Variants in PLET1 observed in about 807,000 individuals in gnomAD.
PLET1 encodes the protein placenta expressed transcript 1.
PLET1 carries 20 observed loss-of-function variants against 18.5 expected under a neutral mutation model. The observed-to-expected ratio is 1.08, with a 90% confidence interval of 0.76 to 1.57. The LOEUF is 1.57. Ranked by LOEUF, PLET1 falls within the 40% of genes most tolerant of loss-of-function variation. PLET1 has a pLI of 0.00. For synonymous variants in PLET1, 93 were observed against 93.8 expected (o/e 0.99, Z 0.05); for missense variants, 256 against 246.4 (o/e 1.04, Z -0.26).
At chr11:112,249,087 G>C in intron 3 of PLET1, 113 bp from the exon 4 acceptor site, 1 of 961,088 alleles carries the variant, frequency 1.0e-6, no homozygotes, top group Non-Finnish European at 1.5e-6. Context: ...GCTAGAGCCA[G>C]ATTCATGAGC....
chr11:112,257,800 A>G (rs1860238726), intron 1 of PLET1, among the ~76,000 whole-genome samples: 1 of 152,126 alleles, frequency 6.6e-6, no homozygotes, highest in African/African-American at 2.4e-5. Flanking sequence ...CATCACCCCA[A>G]AGTTTAAAAG....
chr11:112,260,207 T>C (rs1487262151), intron 1 of PLET1, 199 bp downstream of exon 1: 15 of 560,796 alleles, frequency 2.7e-5, no homozygotes. Flanking sequence ...GTGGCTTGAG[T>C]TCACAAGGAA....
chr11:112,255,710 C>T, intron 1 of PLET1, 121 bp from the exon 2 acceptor site: 1 of 797,988 alleles, frequency 1.3e-6, no homozygotes, highest in South Asian at 1.5e-5. Context: ...ATATGCACAT[C>T]GAGTATATGG....
At chr11:112,252,326 A>G (rs1339581846) in intron 3 of PLET1, 22 bp downstream of exon 3, 4 of 1,543,110 alleles carry the variant, frequency 2.6e-6, no homozygotes, top group Non-Finnish European at 3.5e-6. Context: ...AAGACTTGCA[A>G]ATGGGCTGCA....
chr11:112,254,694 G>C (rs1408874641), intron 2 of PLET1, among the ~76,000 whole-genome samples: 1 of 137,498 alleles, frequency 7.3e-6, no homozygotes, highest in Non-Finnish European at 1.6e-5. Flanking sequence ...TGTGTGTGGT[G>C]TGTGTGGTAT....
In PLET1 at chr11:112,255,486, G is replaced by A; in HGVS notation, c.288C>T (p.Tyr96=). 1 of 1,552,114 alleles carries A rather than the reference G, an allele frequency of 6.4e-7. No homozygotes were observed. The highest frequency in any genetic ancestry group is 8.7e-7 in the Non-Finnish European group (1 of 1,147,006). ...CTTTCACGTAATACGTGGAGTTGCT[G>A]TAGCAATTTTTATCCGCTCTTTGCC... is the stretch of plus-strand genomic sequence containing the variant. The part of the protein sequence containing the change: ...GLWQRADKNC[Y]SNSTYYVKDQ... Residue 96 remains tyrosine (Y), a synonymous_variant, in exon 2 of 4, where the codon TAC becomes TAT. Transcript: ENST00000338832.
chr11:112,255,705 C>T lies in PLET1; in HGVS notation c.185-116G>A, dbSNP rs939905619. 5 of 852,366 alleles carry T rather than the reference C, an allele frequency of 5.9e-6. No homozygotes were observed. The South Asian group carries it at 6.0e-5, about 10-fold the overall frequency. 52.8% of individuals were successfully genotyped at this position (852,366 alleles called of 1,614,324 possible). On this transcript the variant is annotated intron_variant, in intron 1 of 3. Transcript: ENST00000338832. ...AAACAAGAAAGTTACAAAGAATATGCACATCGAGTATATGGTCTCACTGTT... is the reference window on the plus strand; with the variant it reads ...AAACAAGAAAGTTACAAAGAATATGTACATCGAGTATATGGTCTCACTGTT...
At chr11:112,256,886 C>G (rs1399154699) in intron 1 of PLET1, among the ~76,000 whole-genome samples, 1 of 81,146 alleles carries the variant, frequency 1.2e-5, no homozygotes, top group Non-Finnish European at 3.2e-5. Flanking sequence ...CCCTGTCCTG[C>G]TTTTCCCTTC....
rs1272886842 is a variant in PLET1 at position 112,255,537 on chromosome 11, G to A, written c.237C>T (p.Asp79=). The A allele has an allele frequency of 3.2e-6, 5 of 1,551,410 alleles. No individual in the cohort carries two copies. Among genetic ancestry groups the A allele is most frequent in the Non-Finnish European group, 3.5e-6 (4 of 1,146,838 alleles). ...AGAGGCCCGCTGAGTCACTGTTCTC[G>A]TCCAAGGTTTTCATGACCACAGCAT... The part of the protein sequence containing the change: ...SVYAVVMKTL[D]ENSDSAGLWQ... Residue 79 remains aspartate, a synonymous_variant, in exon 2 of 4, where the codon GAC becomes GAT. Coordinates refer to ENST00000338832, the MANE Select transcript of PLET1 (RefSeq NM_001145024.1).
At chr11:112,254,209 G>GTGTGTGTA (rs1432288466) in intron 2 of PLET1, among the ~76,000 whole-genome samples, 7 of 149,448 alleles carry the variant, frequency 4.7e-5, no homozygotes, top group South Asian at 2.1e-4. Context: ...GTGTGTGTGT[G>GTGTGTGTA]TGTGTGTGTG....
intron 3 of PLET1, among the ~76,000 whole-genome samples, chr11:112,251,222 G>A (rs1860151534): frequency 6.6e-6 from 1 of 151,794 alleles, no homozygotes. Flanking sequence ...TTTACTTTCT[G>A]TGTGGCCTTA....
Position 112,248,173 on chromosome 11 carries a change from T to A in PLET1, c.*626A>T, listed in dbSNP as rs1566825657. On this transcript the variant is annotated 3_prime_UTR_variant, in exon 4 of 4. Transcript: ENST00000338832. ...ATGGAACACATTCATTATTCTTGTT[T>A]AAAGTATAATTTATTTGTTGTGACA... Among the ~76,000 whole-genome samples the A allele has an allele frequency of 6.6e-6, 1 of 152,200 alleles. No individual in the cohort carries two copies. Among genetic ancestry groups the A allele is most frequent in the Non-Finnish European group, 1.5e-5 (1 of 68,034 alleles).
chr11:112,254,340 G>GGTGT (rs113302549), intron 2 of PLET1, among the ~76,000 whole-genome samples: 3 of 147,282 alleles, frequency 2.0e-5, no homozygotes, highest in African/African-American at 7.5e-5. Flanking sequence ...GGTGGTGTGT[G>GGTGT]GTGTGTGTGT....
At chr11:112,259,148 TAAC>T (rs943312906) in intron 1 of PLET1, among the ~76,000 whole-genome samples, 18 of 152,358 alleles carry the variant, frequency 1.2e-4, no homozygotes, top group Admixed American at 3.3e-4. Context: ...TGTAAAATGA[TAAC>T]AACATCTACT....
At chr11:112,253,814 C>T (rs2135417175) in intron 2 of PLET1, among the ~76,000 whole-genome samples, 3 of 152,314 alleles carry the variant, frequency 2.0e-5, no homozygotes, top group Middle Eastern at 6.8e-3. Flanking sequence ...TCATTACCAG[C>T]TTCCATAGAG....
intron 2 of PLET1, among the ~76,000 whole-genome samples, 172 bp downstream of exon 2, chr11:112,255,216 C>T (rs570012649): frequency 5.6e-4 from 84 of 150,156 alleles, no homozygotes; most frequent in African/African-American, 1.8e-3. Context: ...TGTCTGCAAG[C>T]GCCTATAGAT....
rs1348536254 is a variant in PLET1 at position 112,248,958 on chromosome 11, T to G, written c.465A>C (p.Leu155Phe). 3 of 1,550,374 alleles carry G rather than the reference T, an allele frequency of 1.9e-6. No homozygotes were observed. The highest frequency in any genetic ancestry group is 2.6e-6 in the Non-Finnish European group (3 of 1,146,968). Residue 155 changes from leucine (L) to phenylalanine (F), a missense_variant, in exon 4 of 4, where the codon TTA becomes TTC. Physicochemically the swap from Leu to Phe is conservative, Grantham distance 22 (BLOSUM62 0). Coordinates refer to ENST00000338832, the MANE Select transcript of PLET1 (RefSeq NM_001145024.1). ...CTGAGCTCTGGGGAATCTTGGCAGC[T>G]AAGGCTAAGGTTGACACTGGAAAGG... is the stretch of plus-strand genomic sequence containing the variant. ...KLREKLSTLA[L>F]AAKIPQSSAF... is the part of the protein sequence containing the mutation.
At chr11:112,255,344 T>A in intron 2 of PLET1, 44 bp downstream of exon 2, 1 of 1,523,930 alleles carries the variant, frequency 6.6e-7, no homozygotes, top group Non-Finnish European at 8.9e-7. Flanking sequence ...ATAAACCCAA[T>A]ATGAAAATTT....
intron 1 of PLET1, 38 bp from the exon 2 acceptor site, chr11:112,255,627 T>A: frequency 6.5e-7 from 1 of 1,532,772 alleles, no homozygotes; most frequent in Non-Finnish European, 8.8e-7. Flanking sequence ...AGCCATCTGT[T>A]CCCTCTGAGC....
Sources: allele counts gnomAD v4.1 joint callset (sites outside exome capture counted in the v4.1 genomes callset), GRCh38; gene constraint gnomAD v4.1.1; transcripts MANE v1.5; gene names NCBI Gene and HGNC (gene_info 2026-07-23, HGNC 2026-07-21).